FAM228B: variants seen among roughly 807,000 people sequenced by gnomAD.
FAM228B encodes family with sequence similarity 228 member B.
A neutral mutation model predicts 42.6 loss-of-function variants in FAM228B; 38 were observed. The observed-to-expected ratio is 0.89, with a 90% CI of 0.69 to 1.17. FAM228B has a LOEUF of 1.17. Ranked by LOEUF, FAM228B falls within the 50% of genes most tolerant of loss-of-function variation. The pLI, the probability that FAM228B is intolerant of heterozygous loss-of-function variation, is 0.00. For missense variants in FAM228B, 344 were observed against 367.3 expected (o/e 0.94, Z 0.52); for synonymous variants, 109 against 122.3 (o/e 0.89, Z 0.72).
At chr2:24,155,565 A>C (rs1195339742) in intron 7 of FAM228B, among the ~76,000 whole-genome samples, 2 of 78,076 alleles carry the variant, frequency 2.6e-5, no homozygotes, top group East Asian at 3.7e-4. Flanking sequence ...TTTGAGATGG[A>C]TTTTCGCGCC....
chr2:24,147,884 T>A (rs1666934058), intron 7 of FAM228B, among the ~76,000 whole-genome samples: 1 of 151,914 alleles, frequency 6.6e-6, no homozygotes, highest in African/African-American at 2.4e-5. Flanking sequence ...CTTGATTGCT[T>A]TATCTCTTGA....
intron 8 of FAM228B, 149 bp from the exon 9 acceptor site, chr2:24,164,049 T>G (rs1161711442): frequency 1.3e-5 from 9 of 704,928 alleles, no homozygotes; most frequent in East Asian, 1.2e-4. Context: ...TGGGTTTATT[T>G]TCACACAAAA....
In FAM228B at chr2:24,084,292, G is replaced by C; in HGVS notation, c.-210+3337G>C. The C allele has an allele frequency of 6.2e-7, 1 of 1,614,088 alleles. No homozygotes were observed. Among genetic ancestry groups the C allele is most frequent in the Non-Finnish European group, 8.5e-7 (1 of 1,180,002 alleles). ...CACCTCCTTCACGTAGAGGTTTTCCGGTCCTCCCGGCTTGTCAAAGTGCAC... is the reference window on the plus strand; with the variant it reads ...CACCTCCTTCACGTAGAGGTTTTCCCGTCCTCCCGGCTTGTCAAAGTGCAC... On this transcript the variant is annotated intron_variant, in intron 2 of 10. Coordinates refer to the FAM228B transcript ENST00000613899. The surrounding 1 kb of genome is among the most constrained non-coding windows in gnomAD (Gnocchi z 8.4).
At chr2:24,115,213 TTGCTG>T (rs1156981576) in intron 3 of FAM228B, among the ~76,000 whole-genome samples, 1 of 152,218 alleles carries the variant, frequency 6.6e-6, no homozygotes, top group Non-Finnish European at 1.5e-5. Flanking sequence ...TCAAGGTTGC[TTGCTG>T]CAACCTAACC....
At chr2:24,079,596 A>G (rs1043776561) in intron 1 of FAM228B, 1 of 1,614,178 alleles carries the variant, frequency 6.2e-7, no homozygotes, top group Non-Finnish European at 8.5e-7. Flanking sequence ...TTCTTCTCCC[A>G]GTAGGATCCG....
chr2:24,144,104 C>T (rs896387747), intron 5 of FAM228B, among the ~76,000 whole-genome samples: 8 of 151,884 alleles, frequency 5.3e-5, no homozygotes, highest in Non-Finnish European at 7.4e-5. Context: ...TTATAATTGT[C>T]GATAAAACTT....
upstream of FAM228B, chr2:24,119,805 A>G: frequency 1.2e-5 from 8 of 641,020 alleles, no homozygotes; most frequent in South Asian, 2.2e-5. Flanking sequence ...TATGGAATAT[A>G]CATATTCCGT....
chr2:24,115,541 C>T, intron 3 of FAM228B: 1 of 1,564,460 alleles, frequency 6.4e-7, no homozygotes, highest in Non-Finnish European at 8.8e-7. Context: ...CTTCAATTTT[C>T]TTCTAAAATA....
intron 7 of FAM228B, among the ~76,000 whole-genome samples, chr2:24,155,056 A>G (rs1409515178): frequency 1.3e-5 from 2 of 152,158 alleles, no homozygotes; most frequent in African/African-American, 4.8e-5. Context: ...AATAGGTTCC[A>G]TCCAAACCAG....
chr2:24,135,052 A>G (rs768136884), intron 2 of FAM228B, 67 bp from the exon 3 acceptor site: 5 of 1,002,448 alleles, frequency 5.0e-6, no homozygotes, highest in Non-Finnish European at 7.5e-6. Context: ...TGCTAAATAT[A>G]ATGATTCCAG....
intron 2 of FAM228B, among the ~76,000 whole-genome samples, chr2:24,087,767 C>T (rs998456485): frequency 6.6e-6 from 1 of 150,594 alleles, no homozygotes; most frequent in Non-Finnish European, 1.5e-5. Flanking sequence ...TGAGCCACCA[C>T]ACCAGGGTAA....
At chr2:24,136,319 C>T (rs781149628) in intron 3 of FAM228B, among the ~76,000 whole-genome samples, 1 of 151,936 alleles carries the variant, frequency 6.6e-6, no homozygotes, top group Admixed American at 6.6e-5. Context: ...TTCCACCTCC[C>T]GGGTTCAAGC....
At chr2:24,122,326 CAAAA>C (rs71397404), upstream of FAM228B, 12 of 747,536 alleles carry the variant, frequency 1.6e-5, no homozygotes, top group Middle Eastern at 1.5e-3. Flanking sequence ...AATTCCGTCT[CAAAA>C]AAAAAAAAAA....
chr2:24,163,124 G>T (rs905984626), intron 8 of FAM228B, among the ~76,000 whole-genome samples: 2 of 152,198 alleles, frequency 1.3e-5, no homozygotes, highest in Non-Finnish European at 2.9e-5. Flanking sequence ...CTAGCAAGGT[G>T]CAAGAAAAGT....
intron 2 of FAM228B, among the ~76,000 whole-genome samples, chr2:24,125,803 T>C (rs2151013205): frequency 6.6e-6 from 1 of 152,316 alleles, no homozygotes; most frequent in East Asian, 1.9e-4. Flanking sequence ...CCTCAAGTGA[T>C]CTGCCCGCCT....
intron 3 of FAM228B, among the ~76,000 whole-genome samples, chr2:24,112,362 G>A (rs1276442118): frequency 3.4e-5 from 5 of 147,480 alleles, no homozygotes; most frequent in South Asian, 2.1e-4. Flanking sequence ...GTGCCGTGGC[G>A]CGATCTTGGC....
intron 9 of FAM228B, 97 bp downstream of exon 9, chr2:24,164,432 C>T (rs1667352162): frequency 7.5e-7 from 1 of 1,326,330 alleles, no homozygotes; most frequent in African/African-American, 1.5e-5. Flanking sequence ...TGGCAGGCTT[C>T]CAGGAAGAGA....
At chr2:24,126,742 C>G (rs925591574) in intron 2 of FAM228B, among the ~76,000 whole-genome samples, 3 of 151,902 alleles carry the variant, frequency 2.0e-5, no homozygotes, top group African/African-American at 7.3e-5. Context: ...TCCCAAGTAG[C>G]TGGGACTACA....
intron 5 of FAM228B, among the ~76,000 whole-genome samples, chr2:24,141,981 C>T (rs1011750524): frequency 2.0e-5 from 3 of 152,100 alleles, no homozygotes; most frequent in South Asian, 4.2e-4. Flanking sequence ...ATTTGTAGAC[C>T]CAGCATTGGT....
Sources: gnomAD v4.1 joint callset for allele counts (sites outside exome capture counted in the v4.1 genomes callset) on GRCh38, gnomAD v4.1.1 for gene constraint, Gnocchi (gnomAD v3.1) non-coding constraint, MANE v1.5 for transcripts, NCBI Gene and HGNC (gene_info 2026-07-23, HGNC 2026-07-21) for gene names.